NSUN2: variants seen among roughly 807,000 people sequenced by gnomAD.
NSUN2 encodes the protein RNA cytosine C(5)-methyltransferase NSUN2.
In NSUN2, 63 loss-of-function variants were observed where a neutral mutation model predicts 92.7. That is an observed-to-expected ratio of 0.68 (90% confidence interval 0.56 to 0.84). NSUN2 has a LOEUF of 0.84. Ranked by LOEUF, NSUN2 falls within the 40% of genes least tolerant of loss-of-function variation. The probability of loss-of-function intolerance (pLI) is 0.00; values close to 1 mark genes in which losing one functional copy is unlikely to be tolerated. For missense variants in NSUN2, 989 were observed against 964.9 expected (o/e 1.02, Z -0.33); for synonymous variants, 356 against 348.3 (o/e 1.02, Z -0.25).
chr5:6,631,323 C>T (rs1737882857), intron 3 of NSUN2, among the ~76,000 whole-genome samples: 1 of 152,138 alleles, frequency 6.6e-6, no homozygotes, highest in Non-Finnish European at 1.5e-5. Flanking sequence ...ATAGGTAACC[C>T]AGAAGGCACC....
intron 15 of NSUN2, chr5:6,604,975 C>A (rs1472253359): frequency 3.4e-6 from 2 of 590,772 alleles, no homozygotes; most frequent in Middle Eastern, 4.5e-4. Context: ...AGCCTCTACA[C>A]CTTTAGTACC....
At chr5:6,604,404 G>T in intron 16 of NSUN2, 128 bp from the exon 17 acceptor site, 1 of 967,746 alleles carries the variant, frequency 1.0e-6, no homozygotes, top group Non-Finnish European at 1.5e-6. Context: ...CCTCCCCTTG[G>T]ACAGGTGTGG....
In NSUN2 at chr5:6,632,580, T is replaced by G; in HGVS notation, c.254+19A>C. ...CATCCTGGCCCCAACTCCCAAAAAA[T>G]CAGGCACTGCCTCCCTACCTTTTGT... On this transcript the variant is annotated intron_variant, in intron 2 of 18. Transcript: ENST00000264670. 6.2e-7 allele frequency: 1 copy of G among 1,611,624 alleles called. No homozygotes were observed. The highest frequency in any genetic ancestry group is 2.2e-5 in the East Asian group (1 of 44,820).
intron 10 of NSUN2, 67 bp from the exon 11 acceptor site, chr5:6,611,152 G>C: frequency 3.9e-6 from 6 of 1,557,446 alleles, no homozygotes; most frequent in Non-Finnish European, 5.3e-6. Context: ...TCACAGGGCA[G>C]GAGTATCCAT....
At chr5:6,605,512 C>T in intron 14 of NSUN2, 104 bp from the exon 15 acceptor site, 1 of 1,263,784 alleles carries the variant, frequency 7.9e-7, no homozygotes, top group Non-Finnish European at 1.1e-6. Context: ...CCCAAAACTG[C>T]AGTGTGGTTC....
Position 6,604,685 on chromosome 5 carries a change from C to G in NSUN2, c.1738G>C (p.Val580Leu), listed in dbSNP as rs768731036. 1.9e-6 allele frequency: 3 copies of G among 1,612,308 alleles called. No individual in the cohort carries two copies. The highest frequency in any genetic ancestry group is 1.7e-6 in the Non-Finnish European group (2 of 1,178,482). ...VLLNNSEKMKVINTGIKVWCR... is the reference protein window; with the variant it reads ...VLLNNSEKMKLINTGIKVWCR... Reference sequence around the variant, plus strand: ...CAGACTTTGATCCCCGTGTTAATAACCTGTAAGTAAAAAAATAAGATGAAA... The same window carrying G: ...CAGACTTTGATCCCCGTGTTAATAAGCTGTAAGTAAAAAAATAAGATGAAA... Residue 580 changes from valine to leucine, a missense_variant and splice_region_variant, in exon 16 of 19, where the codon GTT becomes CTT. Val to Leu is a conservative substitution (Grantham distance 32, BLOSUM62 1). Transcript: ENST00000264670.
At chr5:6,623,158 G>C (rs1359845195) in intron 5 of NSUN2, 56 bp downstream of exon 5, 4 of 1,475,192 alleles carry the variant, frequency 2.7e-6, no homozygotes, top group Admixed American at 2.3e-5. Context: ...AAAACAAACA[G>C]GCATGACACT....
At chr5:6,618,121 T>G in intron 7 of NSUN2, 97 bp from the exon 8 acceptor site, 1 of 761,390 alleles carries the variant, frequency 1.3e-6, no homozygotes, top group Non-Finnish European at 2.2e-6. Context: ...AAAACAAGTG[T>G]TACAAATATC....
In NSUN2 at chr5:6,620,185, T is replaced by A. The variant is rs370852216; in HGVS notation, c.736A>T (p.Ile246Leu). The change falls in exon 7 of 19, where the codon ATA becomes TTA. Residue 246 changes from isoleucine to leucine, a missense_variant. Transcript: ENST00000264670. ...TCCACATCTATCTGGAGCCTGGGTA[T>A]GCTGGAGGCATCATGGTTGACCACC... is the stretch of plus-strand genomic sequence containing the variant. ...IMVVNHDASS[I>L]PRLQIDVDGR... is the part of the protein sequence containing the mutation. 4 of 1,613,368 alleles carry A rather than the reference T, an allele frequency of 2.5e-6. No individual in the cohort carries two copies. The highest frequency in any genetic ancestry group is 1.1e-5 in the South Asian group (1 of 90,854).
At chr5:6,608,289 C>A (rs1012312620) in intron 12 of NSUN2, among the ~76,000 whole-genome samples, 2 of 152,260 alleles carry the variant, frequency 1.3e-5, no homozygotes, top group Non-Finnish European at 2.9e-5. Flanking sequence ...GAGTCCAGCT[C>A]CAAGGGCATG....
Position 6,620,264 on chromosome 5 carries a change from CTTG to C in NSUN2, c.654_656del (p.Asn218del). ...CTTGATGGACGAGCAGGTAGCAGCG[CTTG>C]TTGTCCACATCATTCGCAATAACAA... On this transcript the variant is annotated inframe_deletion, in exon 7 of 19. Transcript: ENST00000264670. The C allele has an allele frequency of 1.9e-6, 3 of 1,603,358 alleles. No homozygotes were observed. The highest frequency in any genetic ancestry group is 1.7e-6 in the Non-Finnish European group (2 of 1,175,968).
rs1736911609 is a variant in NSUN2, at chr5:6,609,721, G to GC, written c.1323+104dup. On this transcript the variant is annotated intron_variant, in intron 12 of 18. Coordinates refer to ENST00000264670, the MANE Select transcript of NSUN2 (RefSeq NM_017755.6). ...AGGGTCAGCTCTCCTGCTGCCCACA[G>GC]CAAGAAGCTCCTCTTTCCTCTGTAC... The GC allele has an allele frequency of 3.5e-6, 3 of 849,704 alleles. No individual in the cohort carries two copies. The East Asian group carries it at 7.5e-5, about 21-fold the overall frequency. The allele number at this position is 849,704 out of a possible 1,614,324, so 52.6% of individuals were successfully genotyped here.
At chr5:6,612,504 T>C (rs903365106) in intron 9 of NSUN2, among the ~76,000 whole-genome samples, 2 of 152,244 alleles carry the variant, frequency 1.3e-5, no homozygotes, top group Middle Eastern at 3.4e-3. Context: ...TAAGAAGCTA[T>C]AAGGTGAGGC....
intron 9 of NSUN2, 58 bp downstream of exon 9, chr5:6,616,669 C>A: frequency 3.5e-4 from 62 of 177,702 alleles, no homozygotes; most frequent in Non-Finnish European, 4.6e-4. Flanking sequence ...TGTATTGTAC[C>A]ATACACATAT....
chr5:6,625,647 G>T lies in NSUN2; in HGVS notation c.382C>A (p.His128Asn). ...LSWYPEELAW[H>N]TNLSRKILRK... The stretch of plus-strand genomic sequence containing the variant: ...AAGATTTTTCGACTTAAATTTGTGT[G>T]CCAGGCAAGTTCTTCAGGATACCTG... The change falls in exon 4 of 19, where the codon CAC (histidine) becomes AAC (asparagine). Residue 128 changes from histidine (H) to asparagine (N), a missense_variant. His to Asn is a moderately conservative substitution (Grantham distance 68). This residue lies in a region of NSUN2 where 356 missense variants were observed against 338.6 expected (regional missense o/e 1.05). Transcript: ENST00000264670. 3 of 1,614,082 alleles carry T rather than the reference G, an allele frequency of 1.9e-6. No individual in the cohort carries two copies. Among genetic ancestry groups the T allele is most frequent in the Non-Finnish European group, 2.5e-6 (3 of 1,179,946 alleles).
rs767192616 is a variant in NSUN2, at chr5:6,610,980, G to C, written c.1201C>G (p.Leu401Val). 19 of 1,614,044 alleles carry C rather than the reference G, an allele frequency of 1.2e-5. No homozygotes were observed. Among genetic ancestry groups the C allele is most frequent in the Admixed American group, 3.3e-5 (2 of 60,002 alleles). The part of the protein sequence containing the change: ...TMFPPKDPEK[L>V]QAMHLERCLR... Reference sequence around the variant, plus strand: ...CATCGCTCCAGGTGCATGGCCTGCAGCTTTTCTGGGTCCTTCGGAGGGAAC... The same window carrying C: ...CATCGCTCCAGGTGCATGGCCTGCACCTTTTCTGGGTCCTTCGGAGGGAAC... Residue 401 changes from leucine (L) to valine (V), a missense_variant, in exon 11 of 19, where the codon CTG becomes GTG. By Grantham distance (32) the Leu-to-Val change is conservative. This residue lies in a region of NSUN2 where 626 missense variants were observed against 602.3 expected (regional missense o/e 1.04). Transcript: ENST00000264670.
Position 6,616,842 on chromosome 5 carries a change from A to C in NSUN2, c.906T>G (p.Ile302Met). The change falls in exon 9 of 19, where the codon ATT becomes ATG. Residue 302 changes from isoleucine to methionine, a missense_variant. Physicochemically the swap from Ile to Met is conservative, Grantham distance 10. This residue lies in a region of NSUN2 where 626 missense variants were observed against 602.3 expected (regional missense o/e 1.04). Transcript: ENST00000264670. ...SLQLHGLQLR[I>M]ATRGAEQLAE... Reference sequence around the variant, plus strand: ...CCAGCTGTTCAGCCCCGCGTGTTGCAATCCGCAGCTGTAAGCTAAGGGGAG... The same window carrying C: ...CCAGCTGTTCAGCCCCGCGTGTTGCCATCCGCAGCTGTAAGCTAAGGGGAG... 6.2e-7 allele frequency: 1 copy of C among 1,613,510 alleles called. No homozygotes were observed. The highest frequency in any genetic ancestry group is 8.5e-7 in the Non-Finnish European group (1 of 1,179,660).
intron 5 of NSUN2, among the ~76,000 whole-genome samples, chr5:6,622,694 A>G (rs567237823): frequency 1.5e-4 from 23 of 152,138 alleles, no homozygotes; most frequent in African/African-American, 5.5e-4. Context: ...CTAAAAATAC[A>G]AAATTAGCAG....
Position 6,600,174 on chromosome 5 carries a change from T to C in NSUN2, c.2056A>G (p.Ile686Val). The C allele has an allele frequency of 1.2e-6, 2 of 1,614,234 alleles. No homozygotes were observed. The highest frequency in any genetic ancestry group is 1.7e-6 in the Non-Finnish European group (2 of 1,180,032). The change falls in exon 19 of 19, where the codon ATT becomes GTT. Residue 686 changes from isoleucine to valine, a missense_variant. Physicochemically the swap from Ile to Val is conservative, Grantham distance 29. Coordinates refer to ENST00000264670, the MANE Select transcript of NSUN2 (RefSeq NM_017755.6). ...TCATTCTTGGGCACAAAAGTTCGAA[T>C]GGAGGCCTTTCCCCGCCATCCGCAT... ...VLCGWRGKAS[I>V]RTFVPKNERL...
Sources: allele counts gnomAD v4.1 joint callset (sites outside exome capture counted in the v4.1 genomes callset), GRCh38; gene constraint gnomAD v4.1.1; regional missense constraint gnomAD v4.1.1; transcripts MANE v1.5; gene names NCBI Gene and HGNC (gene_info 2026-07-23, HGNC 2026-07-21).